Variants in DLC1 observed in about 807,000 individuals in gnomAD.
DLC1 encodes the protein DLC1 Rho GTPase activating protein.
A neutral mutation model predicts 140.3 loss-of-function variants in DLC1; 54 were observed. That is an observed-to-expected ratio of 0.38 (90% CI 0.31 to 0.48). The LOEUF is 0.48. Among genes scored for constraint, DLC1 ranks in the 20% least tolerant of loss-of-function variants. The pLI is 0.96. For synonymous variants in DLC1, 986 were observed against 728.1 expected, an observed-to-expected ratio of 1.35 and a Z score of -5.70; for missense variants, 2,536 against 1,907.0, an observed-to-expected ratio of 1.33 and a Z score of -6.14.
intron 4 of DLC1, among the ~76,000 whole-genome samples, chr8:13,386,702 T>C (rs1244123356): frequency 1.8e-4 from 28 of 152,052 alleles, no homozygotes; most frequent in Admixed American, 1.8e-3. Context: ...TATTTCAAAA[T>C]CCAGACTAGG....
intron 1 of DLC1, among the ~76,000 whole-genome samples, chr8:13,574,324 A>G (rs1233615924): frequency 1.3e-5 from 2 of 152,226 alleles, no homozygotes; most frequent in Admixed American, 6.5e-5. Flanking sequence ...ATCTATTATT[A>G]ATTTTAGACA....
intron 1 of DLC1, among the ~76,000 whole-genome samples, chr8:13,573,611 T>G (rs1202972858): frequency 6.6e-6 from 1 of 152,216 alleles, no homozygotes; most frequent in African/African-American, 2.4e-5. Flanking sequence ...ATTTTCATGT[T>G]GGGAAAGTTC....
At chr8:13,282,598 T>A (rs946340222) in intron 5 of DLC1, among the ~76,000 whole-genome samples, 3 of 152,190 alleles carry the variant, frequency 2.0e-5, no homozygotes, top group South Asian at 4.1e-4. Flanking sequence ...TAATTTCCTT[T>A]ATTTTGTTCT....
intron 1 of DLC1, among the ~76,000 whole-genome samples, chr8:13,505,391 A>C (rs1449755617): frequency 6.6e-6 from 1 of 152,188 alleles, no homozygotes; most frequent in African/African-American, 2.4e-5. Context: ...AGAAATACAG[A>C]GTTAAATATC....
intron 2 of DLC1, among the ~76,000 whole-genome samples, chr8:13,456,385 C>T (rs531173280): frequency 9.2e-5 from 14 of 152,208 alleles, no homozygotes; most frequent in African/African-American, 3.4e-4. Flanking sequence ...GAATTATGTG[C>T]TACATTTCTT....
At chr8:13,205,523 C>G (rs1375562438) in intron 5 of DLC1, among the ~76,000 whole-genome samples, 1 of 151,100 alleles carries the variant, frequency 6.6e-6, no homozygotes, top group Non-Finnish European at 1.5e-5. Flanking sequence ...GGGGCCCAAA[C>G]TTTTGGTTTC....
At chr8:13,366,599 C>G (rs921732791) in intron 4 of DLC1, among the ~76,000 whole-genome samples, 6 of 152,170 alleles carry the variant, frequency 3.9e-5, no homozygotes, top group African/African-American at 1.4e-4. Context: ...CAAGTTCAGA[C>G]AAGAAGTTCA....
chr8:13,299,445 T>C (rs1832093069), intron 5 of DLC1, among the ~76,000 whole-genome samples: 1 of 146,510 alleles, frequency 6.8e-6, no homozygotes, highest in African/African-American at 2.5e-5. Flanking sequence ...CAAAACTCCT[T>C]CCCAAAAAAA....
chr8:13,085,651 G>A lies in DLC1; in HGVS notation c.*160C>T, dbSNP rs1215758921. The A allele has an allele frequency of 2.8e-6, 3 of 1,089,452 alleles. No individual in the cohort carries two copies. The highest frequency in any genetic ancestry group is 3.8e-6 in the Non-Finnish European group (3 of 790,464). The allele number at this position is 1,089,452 out of a possible 1,614,324, so 67.5% of individuals were successfully genotyped here. On this transcript the variant is annotated 3_prime_UTR_variant, in exon 18 of 18. Coordinates refer to ENST00000276297, the MANE Select transcript of DLC1 (RefSeq NM_182643.3). ...AATACAGACCCTCAACAAACAGGAA[G>A]CAGCTTTAAAAATGTATCAAATTGC...
intron 1 of DLC1, among the ~76,000 whole-genome samples, chr8:13,598,895 C>A (rs1421381121): frequency 6.6e-6 from 1 of 151,326 alleles, no homozygotes; most frequent in Non-Finnish European, 1.5e-5. Context: ...AATGTCAGAA[C>A]TAATATTTTC....
intron 1 of DLC1, among the ~76,000 whole-genome samples, chr8:13,586,314 G>A (rs968435784): frequency 1.3e-5 from 2 of 152,168 alleles, no homozygotes; most frequent in Non-Finnish European, 2.9e-5. Flanking sequence ...TAGGAAAGAA[G>A]AAGAGGAGAT....
intron 2 of DLC1, among the ~76,000 whole-genome samples, chr8:13,428,691 CTG>C (rs1185557850): frequency 6.6e-6 from 1 of 151,182 alleles, no homozygotes; most frequent in Non-Finnish European, 1.5e-5. Context: ...TGTTGAGTCT[CTG>C]AGAGTTAAAA....
chr8:13,118,851 T>A (rs991536454), intron 5 of DLC1, among the ~76,000 whole-genome samples: 2 of 152,204 alleles, frequency 1.3e-5, no homozygotes, highest in African/African-American at 4.8e-5. Flanking sequence ...AATCTGTCCA[T>A]CAATCCTGGC....
intron 1 of DLC1, among the ~76,000 whole-genome samples, chr8:13,571,469 G>A (rs927201328): frequency 5.9e-5 from 9 of 152,130 alleles, no homozygotes; most frequent in African/African-American, 1.9e-4. Context: ...TGCAGTCTTT[G>A]TCATTTTGTG....
At chr8:13,170,467 A>T (rs988960829) in intron 5 of DLC1, among the ~76,000 whole-genome samples, 10 of 152,184 alleles carry the variant, frequency 6.6e-5, no homozygotes, top group African/African-American at 2.4e-4. Flanking sequence ...GCGGTGGCTC[A>T]CGCCTGTAAT....
intron 5 of DLC1, among the ~76,000 whole-genome samples, chr8:13,159,584 A>G (rs754198677): frequency 6.6e-6 from 1 of 151,810 alleles, no homozygotes; most frequent in Non-Finnish European, 1.5e-5. Flanking sequence ...TCAATTATAA[A>G]CCCAGACTGG....
chr8:13,407,084 C>T (rs1030064132), intron 2 of DLC1, among the ~76,000 whole-genome samples: 12 of 152,034 alleles, frequency 7.9e-5, no homozygotes, highest in African/African-American at 1.2e-4. Context: ...TCAATAGATA[C>T]GAGGCAAATT....
intron 4 of DLC1, among the ~76,000 whole-genome samples, chr8:13,352,247 A>G (rs536096919): frequency 3.6e-4 from 55 of 152,382 alleles, no homozygotes; most frequent in Non-Finnish European, 5.6e-4. Context: ...TCACCGTCAC[A>G]TGCACATGCA....
chr8:13,578,472 C>T (rs2117434679), intron 1 of DLC1, among the ~76,000 whole-genome samples: 2 of 152,264 alleles, frequency 1.3e-5, no homozygotes, highest in South Asian at 4.1e-4. Context: ...GACATATCTA[C>T]CTGGAGTTTA....
Sources: gnomAD v4.1 joint callset for allele counts (sites outside exome capture counted in the v4.1 genomes callset) on GRCh38, gnomAD v4.1.1 for gene constraint, MANE v1.5 for transcripts, NCBI Gene and HGNC (gene_info 2026-07-23, HGNC 2026-07-21) for gene names.